Variants in ZNF143 observed in about 807,000 individuals in gnomAD.
ZNF143 encodes the protein SPH-binding factor.
Under a neutral mutation model 74.1 loss-of-function variants are expected in ZNF143, and 49 were observed. That is an observed-to-expected ratio of 0.66 (90% CI 0.53 to 0.84). ZNF143 has a LOEUF of 0.84. ZNF143 is among the 40% of genes least tolerant of loss of function. The pLI is 0.00. For synonymous variants in ZNF143, 304 were observed against 282.8 expected (o/e 1.07, Z -0.75); for missense variants, 637 against 793.4 (o/e 0.80, Z 2.37).
At chr11:9,467,138 C>G (rs559476857) in intron 1 of ZNF143, among the ~76,000 whole-genome samples, 30 of 152,162 alleles carry the variant, frequency 2.0e-4, no homozygotes, top group African/African-American at 6.0e-4. Context: ...GTGATCCACC[C>G]GCCTTGGCCT....
At chr11:9,499,432 G>C (rs1037380467) in intron 10 of ZNF143, among the ~76,000 whole-genome samples, 4 of 152,172 alleles carry the variant, frequency 2.6e-5, no homozygotes, top group African/African-American at 9.7e-5. Context: ...AAACTTACTA[G>C]AGATAGGATC....
chr11:9,503,738 G>A (rs1477662286), intron 11 of ZNF143, among the ~76,000 whole-genome samples: 1 of 151,784 alleles, frequency 6.6e-6, no homozygotes, highest in Non-Finnish European at 1.5e-5. Flanking sequence ...CGCCTGCCGG[G>A]TTCAAGCGAT....
At chr11:9,472,647 C>T in intron 2 of ZNF143, 30 bp from the exon 3 acceptor site, 1 of 1,586,294 alleles carries the variant, frequency 6.3e-7, no homozygotes, top group South Asian at 1.1e-5. Context: ...TGCTAGCTGT[C>T]TAAAGAAAAT....
At chr11:9,482,579 C>G (rs1193165284) in intron 7 of ZNF143, among the ~76,000 whole-genome samples, 3 of 151,516 alleles carry the variant, frequency 2.0e-5, no homozygotes, top group African/African-American at 7.3e-5. Flanking sequence ...CAAAAAATCC[C>G]ATTACTCTTT....
chr11:9,481,327 T>C (rs1297845333), intron 7 of ZNF143, among the ~76,000 whole-genome samples: 2 of 152,042 alleles, frequency 1.3e-5, no homozygotes, highest in South Asian at 2.1e-4. Flanking sequence ...TTTGAAGTTA[T>C]AGTGAGCTGA....
chr11:9,468,427 C>T (rs985190244), intron 1 of ZNF143, among the ~76,000 whole-genome samples: 7 of 152,162 alleles, frequency 4.6e-5, no homozygotes, highest in African/African-American at 1.7e-4. Context: ...GCTCTACCTA[C>T]CTGCCAGTCA....
At chr11:9,463,533 ATGT>A (rs1418234942) in intron 1 of ZNF143, among the ~76,000 whole-genome samples, 1 of 152,216 alleles carries the variant, frequency 6.6e-6, no homozygotes, top group East Asian at 1.9e-4. Context: ...ATGGTTAATA[ATGT>A]TGAGCATTTT....
intron 14 of ZNF143, among the ~76,000 whole-genome samples, chr11:9,523,850 C>T (rs1849030468): frequency 1.3e-5 from 2 of 151,724 alleles, no homozygotes. Context: ...GAGTTCGAGA[C>T]CAGCCTGACC....
Position 9,478,641 on chromosome 11 carries a change from TGAAAA to T in ZNF143, c.570+66_570+70del, listed in dbSNP as rs914702391. On this transcript the variant is annotated intron_variant, in intron 6 of 15. Transcript: ENST00000396602. ...GCAGATATAGCTTCTTTATTTTTCA[TGAAAA>T]GAAAAGAAAACAAAAAAGTACACCT... 1.2e-5 allele frequency: 19 copies of T among 1,550,362 alleles called. 1 individual carries two copies. In the African/African-American group the frequency reaches 1.9e-4, roughly 16 times the overall value.
At chr11:9,526,353 CA>C (rs549889343) in intron 15 of ZNF143, among the ~76,000 whole-genome samples, 2 of 148,082 alleles carry the variant, frequency 1.4e-5, no homozygotes, top group African/African-American at 2.5e-5. Context: ...GACCCTGTCT[CA>C]AAAAAAAAAT....
intron 5 of ZNF143, among the ~76,000 whole-genome samples, chr11:9,477,023 A>G (rs1180223163): frequency 6.6e-6 from 1 of 150,574 alleles, no homozygotes; most frequent in Non-Finnish European, 1.5e-5. Context: ...CAGCCTCCCA[A>G]ACAAAGGGAG....
At chr11:9,506,320 G>A (rs142001823) in intron 11 of ZNF143, among the ~76,000 whole-genome samples, 70 of 152,314 alleles carry the variant, frequency 4.6e-4, no homozygotes, top group African/African-American at 1.4e-3. Context: ...GTGACAGAGC[G>A]AGACTCCGTC....
chr11:9,490,012 T>C (rs1446994667), intron 7 of ZNF143, among the ~76,000 whole-genome samples: 3 of 151,890 alleles, frequency 2.0e-5, no homozygotes, highest in African/African-American at 7.3e-5. Context: ...AAGACTCCAT[T>C]TCTACAATTT....
At chr11:9,475,910 A>ATATGTGTGTGTGTGTG (rs370474107) in intron 5 of ZNF143, among the ~76,000 whole-genome samples, 17 of 137,374 alleles carry the variant, frequency 1.2e-4, no homozygotes, top group African/African-American at 4.7e-4. Context: ...AAAAATATAT[A>ATATGTGTGTGTGTGTG]TGTGTGTGTG....
At chr11:9,484,663 A>T (rs1305827207) in intron 7 of ZNF143, among the ~76,000 whole-genome samples, 1 of 147,598 alleles carries the variant, frequency 6.8e-6, no homozygotes, top group Admixed American at 6.7e-5. Flanking sequence ...CTGTCGCCCA[A>T]GCTGAAGTGC....
At chr11:9,494,888 G>T in intron 8 of ZNF143, 123 bp downstream of exon 8, 1 of 1,026,554 alleles carries the variant, frequency 9.7e-7, no homozygotes, top group Non-Finnish European at 1.4e-6. Flanking sequence ...ACTGGCACTT[G>T]GTCACACTCA....
intron 7 of ZNF143, among the ~76,000 whole-genome samples, chr11:9,480,956 G>A (rs1355552667): frequency 6.6e-6 from 1 of 152,000 alleles, no homozygotes; most frequent in Non-Finnish European, 1.5e-5. Flanking sequence ...CAATATTTCT[G>A]TTTACCAGCT....
At chr11:9,500,762 C>A (rs1037552264) in intron 10 of ZNF143, among the ~76,000 whole-genome samples, 1 of 152,158 alleles carries the variant, frequency 6.6e-6, no homozygotes, top group Non-Finnish European at 1.5e-5. Context: ...TAATTTAATT[C>A]ATATTCCTGA....
At chr11:9,485,657 T>A (rs918831602) in intron 7 of ZNF143, among the ~76,000 whole-genome samples, 3 of 151,618 alleles carry the variant, frequency 2.0e-5, no homozygotes, top group African/African-American at 7.3e-5. Context: ...TGTTTCTTAA[T>A]CTTCCTGGCA....
Sources: allele counts gnomAD v4.1 joint callset (sites outside exome capture counted in the v4.1 genomes callset), GRCh38; gene constraint gnomAD v4.1.1; transcripts MANE v1.5; gene names NCBI Gene and HGNC (gene_info 2026-07-23, HGNC 2026-07-21).